The following PTPRD variants were observed in gnomAD, a reference collection of about 807,000 sequenced individuals.
PTPRD encodes protein tyrosine phosphatase receptor type D, also known as receptor-type tyrosine-protein phosphatase delta.
In PTPRD, 34 loss-of-function variants were observed where a neutral mutation model predicts 214.5. That is an observed-to-expected ratio of 0.16 (90% CI 0.12 to 0.21). The LOEUF (loss-of-function observed/expected upper bound fraction) is 0.21, where lower values mean the gene tolerates loss of function less well. Among genes scored for constraint, PTPRD ranks in the 10% least tolerant of loss-of-function variants. The pLI is 1.00. For synonymous variants in PTPRD, 1,128 were observed against 845.7 expected (o/e 1.33, Z -5.79); for missense variants, 2,545 against 2,398.7 (o/e 1.06, Z -1.27).
intron 3 of PTPRD, among the ~76,000 whole-genome samples, chr9:10,152,196 G>T (rs953842568): frequency 6.6e-6 from 1 of 152,164 alleles, no homozygotes; most frequent in Non-Finnish European, 1.5e-5. Context: ...TTTAGCATAA[G>T]TGTTTTAAAA....
At chr9:10,141,459 A>G (rs1166304109) in intron 3 of PTPRD, among the ~76,000 whole-genome samples, 3 of 139,990 alleles carry the variant, frequency 2.1e-5, no homozygotes, top group Non-Finnish European at 5.0e-5. Flanking sequence ...CAACAACAAG[A>G]GACAAACAGA....
chr9:8,541,518 C>T (rs1295692809), intron 14 of PTPRD, among the ~76,000 whole-genome samples: 1 of 152,156 alleles, frequency 6.6e-6, no homozygotes, highest in Non-Finnish European at 1.5e-5. Flanking sequence ...GCACATACCA[C>T]CATACCCGTC....
rs1174303171 is a variant in PTPRD, at chr9:9,704,788, C to CCCA, written c.-287+29742_-287+29744dup. The stretch of plus-strand genomic sequence containing the variant: ...TGCTGTGCCTAGGCTACTAGCCATA[C>CCCA]CCACCAAAGTGACAGACATAAGTGA... On this transcript the variant is annotated intron_variant, in intron 7 of 45. Coordinates refer to ENST00000381196, the MANE Select transcript of PTPRD (RefSeq NM_002839.4). Among the ~76,000 whole-genome samples the CCCA allele has an allele frequency of 3.3e-5, 5 of 152,246 alleles. 1 individual carries two copies. Among genetic ancestry groups the CCCA allele is most frequent in the Middle Eastern group, 3.4e-3 (1 of 294 alleles).
intron 3 of PTPRD, among the ~76,000 whole-genome samples, chr9:10,217,106 T>A (rs529918978): frequency 1.3e-5 from 2 of 152,104 alleles, no homozygotes; most frequent in South Asian, 4.1e-4. Context: ...TTCAATTAAG[T>A]GCTCAAGTGG....
chr9:9,275,073 T>C (rs1159928380), intron 9 of PTPRD, among the ~76,000 whole-genome samples: 1 of 80,482 alleles, frequency 1.2e-5, no homozygotes, highest in Non-Finnish European at 2.3e-5. Flanking sequence ...ATATTATATA[T>C]ATATATATAA....
chr9:9,158,583 G>A (rs1395073135), intron 10 of PTPRD, among the ~76,000 whole-genome samples: 1 of 152,062 alleles, frequency 6.6e-6, no homozygotes, highest in Non-Finnish European at 1.5e-5. Flanking sequence ...CTGGGTGACA[G>A]AGTGAGACTC....
At chr9:9,275,136 A>AATATAT (rs1432356074) in intron 9 of PTPRD, among the ~76,000 whole-genome samples, 2 of 51,260 alleles carry the variant, frequency 3.9e-5, no homozygotes, top group African/African-American at 8.2e-5. Flanking sequence ...TATTATATAT[A>AATATAT]ATATATATAT....
chr9:9,953,780 G>A lies in PTPRD; in HGVS notation c.-471-15170C>T, dbSNP rs145218934. Among the ~76,000 whole-genome samples the A allele has an allele frequency of 1.4e-3, 206 of 152,126 alleles. 1 individual carries two copies. Among genetic ancestry groups the A allele is most frequent in the African/African-American group, 4.9e-3 (202 of 41,504 alleles). ...CAGGTACCATCTGGCAATGCTTTAT[G>A]TCATGCTCATGCTACATAGCTCACT... On this transcript the variant is annotated intron_variant, in intron 4 of 45. Coordinates refer to ENST00000381196, the MANE Select transcript of PTPRD (RefSeq NM_002839.4).
chr9:9,787,869 C>T (rs1373759117), intron 5 of PTPRD, among the ~76,000 whole-genome samples: 1 of 151,882 alleles, frequency 6.6e-6, no homozygotes. Context: ...GCAACCTCCA[C>T]CTCCCAGGTT....
intron 2 of PTPRD, among the ~76,000 whole-genome samples, chr9:10,380,993 T>C (rs1449696902): frequency 6.6e-6 from 1 of 151,942 alleles, no homozygotes; most frequent in African/African-American, 2.4e-5. Flanking sequence ...GTAGTGATAT[T>C]TAAAAATCCA....
intron 33 of PTPRD, chr9:8,460,152 T>TA: frequency 4.2e-6 from 2 of 477,084 alleles, no homozygotes; most frequent in Non-Finnish European, 7.5e-6. Context: ...CTTATCTGCA[T>TA]AAAGCAGCTC....
intron 14 of PTPRD, among the ~76,000 whole-genome samples, chr9:8,586,298 C>A (rs1384070049): frequency 1.3e-5 from 2 of 151,742 alleles, no homozygotes. Flanking sequence ...GATTCTGTCT[C>A]AAAAAATAAT....
intron 7 of PTPRD, among the ~76,000 whole-genome samples, chr9:9,675,920 T>C (rs2096919672): frequency 6.6e-6 from 1 of 151,956 alleles, no homozygotes; most frequent in South Asian, 2.1e-4. Context: ...AAAATTCCAA[T>C]CAAAATATTA....
chr9:10,229,596 A>T (rs1594821623), intron 3 of PTPRD, among the ~76,000 whole-genome samples: 1 of 151,754 alleles, frequency 6.6e-6, no homozygotes, highest in African/African-American at 2.4e-5. Flanking sequence ...GCACACTATC[A>T]CAAGGACAAA....
At chr9:8,536,705 G>A (rs1042922812) in intron 14 of PTPRD, among the ~76,000 whole-genome samples, 2 of 151,960 alleles carry the variant, frequency 1.3e-5, no homozygotes, top group African/African-American at 2.4e-5. Context: ...CTTCTGCCAT[G>A]AGCAGGCACC....
intron 3 of PTPRD, among the ~76,000 whole-genome samples, chr9:10,038,652 T>G (rs2097235569): frequency 6.6e-6 from 1 of 152,126 alleles, no homozygotes; most frequent in African/African-American, 2.4e-5. Flanking sequence ...AGTTGGGACC[T>G]GAACAGACTG....
At chr9:10,040,213 G>A (rs988148376) in intron 3 of PTPRD, among the ~76,000 whole-genome samples, 3 of 152,018 alleles carry the variant, frequency 2.0e-5, no homozygotes, top group African/African-American at 7.2e-5. Flanking sequence ...TGAATGTGCT[G>A]TTGACCAGAG....
At chr9:8,972,313 A>G (rs1365179229) in intron 11 of PTPRD, among the ~76,000 whole-genome samples, 1 of 151,976 alleles carries the variant, frequency 6.6e-6, no homozygotes, top group East Asian at 1.9e-4. Flanking sequence ...TTAGACATGA[A>G]TAAAATACAA....
intron 3 of PTPRD, among the ~76,000 whole-genome samples, chr9:10,334,500 C>A (rs117363880): frequency 6.7e-6 from 1 of 148,978 alleles, no homozygotes; most frequent in Non-Finnish European, 1.5e-5. Context: ...TTTCTAAGAT[C>A]AGGAATAAAG....
Sources: gnomAD v4.1 joint callset for allele counts (sites outside exome capture counted in the v4.1 genomes callset) on GRCh38, gnomAD v4.1.1 for gene constraint, MANE v1.5 for transcripts, NCBI Gene and HGNC (gene_info 2026-07-23, HGNC 2026-07-21) for gene names.